The following PKD1L1 variants were observed in gnomAD, a reference collection of about 807,000 sequenced individuals.
The protein encoded by PKD1L1 is polycystin-1-like protein 1.
PKD1L1 carries 236 observed loss-of-function variants against 323.4 expected under a neutral mutation model. The observed-to-expected ratio is 0.73, with a 90% CI of 0.66 to 0.81. PKD1L1 has a LOEUF of 0.81. PKD1L1 is among the 40% of genes least tolerant of loss of function. PKD1L1 has a pLI of 0.00. For synonymous variants in PKD1L1, 1,344 were observed against 1,335.0 expected (o/e 1.01, Z -0.15); for missense variants, 3,320 against 3,508.0 (o/e 0.95, Z 1.35).
intron 15 of PKD1L1, among the ~76,000 whole-genome samples, chr7:47,893,055 AC>A (rs1310072153): frequency 1.3e-5 from 2 of 151,684 alleles, no homozygotes; most frequent in Non-Finnish European, 2.9e-5. Flanking sequence ...ACATGGTGAA[AC>A]CCATCTCTAC....
chr7:47,792,477 T>C, intron 56 of PKD1L1, 150 bp downstream of exon 56: 1 of 726,536 alleles, frequency 1.4e-6, no homozygotes, highest in Non-Finnish European at 2.1e-6. Context: ...TCTTTAGTTC[T>C]GGCCAGAGCA....
At chr7:47,940,788 C>T (rs760169747) in intron 2 of PKD1L1, among the ~76,000 whole-genome samples, 3 of 152,178 alleles carry the variant, frequency 2.0e-5, no homozygotes, top group Non-Finnish European at 4.4e-5. Flanking sequence ...GATGGTAGCA[C>T]GGACCTGGCT....
chr7:47,878,011 C>T (rs10951935), intron 21 of PKD1L1, among the ~76,000 whole-genome samples: 54,888 of 151,592 alleles, frequency 0.36, 11,308 homozygotes, highest in African/African-American at 0.56. Flanking sequence ...CAGACAGAAA[C>T]CGAAGCCTGA....
Position 47,904,551 on chromosome 7 carries a change from C to G in PKD1L1, c.1758G>C (p.Arg586Ser), listed in dbSNP as rs371087334. 1.4e-5 allele frequency: 23 copies of G among 1,613,984 alleles called. No homozygotes were observed. In the African/African-American group the frequency reaches 2.9e-4, roughly 21 times the overall value. The change falls in exon 12 of 57, where the codon AGG (arginine) becomes AGC (serine). Residue 586 changes from arginine (R) to serine (S), a missense_variant. Transcript: ENST00000289672. ...GATTGGCCACAATTTTCTTCTGCAC[C>G]CTGATGACATGGGGCTCAGAGACCA... The part of the protein sequence containing the change: ...SSVVSEPHVI[R>S]VQKKIVANRL...
At chr7:47,829,401 C>T in intron 44 of PKD1L1, 24 bp downstream of exon 44, 2 of 1,568,330 alleles carry the variant, frequency 1.3e-6, no homozygotes, top group Non-Finnish European at 1.7e-6. Context: ...TCTCAATTTG[C>T]ACTGCATAGG....
At chr7:47,950,723 G>GA (rs1056286589), upstream of PKD1L1, among the ~76,000 whole-genome samples, 3 of 148,964 alleles carry the variant, frequency 2.0e-5, no homozygotes, top group Non-Finnish European at 3.0e-5. Flanking sequence ...AAAAAAAAAA[G>GA]AATTAGCTTT....
chr7:47,856,048 A>G (rs1433947148), intron 28 of PKD1L1, among the ~76,000 whole-genome samples: 2 of 151,794 alleles, frequency 1.3e-5, no homozygotes, highest in South Asian at 2.1e-4. Flanking sequence ...ATATCTATAT[A>G]TTTTTTTGAC....
At chr7:47,820,197 C>T (rs1285613488) in intron 46 of PKD1L1, among the ~76,000 whole-genome samples, 1 of 152,178 alleles carries the variant, frequency 6.6e-6, no homozygotes, top group Non-Finnish European at 1.5e-5. Flanking sequence ...ACATTAAATG[C>T]ACCTGTTGAT....
rs141115479 is a variant in PKD1L1 at position 47,830,053 on chromosome 7, G to T, written c.6545C>A (p.Thr2182Asn). 2 of 1,614,194 alleles carry T rather than the reference G, an allele frequency of 1.2e-6. No individual in the cohort carries two copies. Among genetic ancestry groups the T allele is most frequent in the African/African-American group, 1.3e-5 (1 of 75,066 alleles). ...SLSVVCCIFITQPLMVCLMAL... is the reference protein window; with the variant it reads ...SLSVVCCIFINQPLMVCLMAL... ...GGTGTTTCTTACCATAAGTGGCTGG[G>T]TGATGAAAATACAGCAGACCACGGA... Residue 2182 changes from threonine to asparagine, a missense_variant, in exon 43 of 57, where the codon ACC (threonine) becomes AAC (asparagine). By Grantham distance (65) the Thr-to-Asn change is moderately conservative. Transcript: ENST00000289672.
rs145827975 is a variant in PKD1L1, at chr7:47,933,780, C to G, written c.399-1724G>C. ...GGCTGCATCCAACCAGATAAGGACA[C>G]GCGCACACTCTTCCACTATTGGTTC... On this transcript the variant is annotated intron_variant, in intron 4 of 56. Transcript: ENST00000289672. 3.4e-3 allele frequency among the ~76,000 whole-genome samples: 524 copies of G among 152,292 alleles called. 5 individuals carry two copies. Among genetic ancestry groups the G allele is most frequent in the African/African-American group, 0.012 (485 of 41,552 alleles).
At chr7:47,805,156 A>C (rs1233442998) in intron 52 of PKD1L1, among the ~76,000 whole-genome samples, 2 of 152,174 alleles carry the variant, frequency 1.3e-5, no homozygotes, top group Non-Finnish European at 2.9e-5. Flanking sequence ...GGTATGTATC[A>C]TAGTTCTACC....
intron 5 of PKD1L1, among the ~76,000 whole-genome samples, chr7:47,931,677 G>T (rs1039875545): frequency 2.6e-5 from 4 of 152,242 alleles, no homozygotes; most frequent in African/African-American, 9.6e-5. Context: ...ACTCTATAAG[G>T]TTGTCAGCTG....
At chr7:47,879,125 A>G (rs1454923175) in intron 21 of PKD1L1, among the ~76,000 whole-genome samples, 1 of 152,216 alleles carries the variant, frequency 6.6e-6, no homozygotes, top group East Asian at 1.9e-4. Flanking sequence ...TAAACGTGGA[A>G]GGGGCAGGCA....
intron 45 of PKD1L1, among the ~76,000 whole-genome samples, chr7:47,822,802 A>G (rs562574150): frequency 6.6e-6 from 1 of 152,290 alleles, no homozygotes; most frequent in African/African-American, 2.4e-5. Flanking sequence ...TTAGACTTAC[A>G]TCCATGTACT....
At chr7:47,782,508 G>A (rs999339899) in intron 56 of PKD1L1, among the ~76,000 whole-genome samples, 1 of 152,214 alleles carries the variant, frequency 6.6e-6, no homozygotes, top group African/African-American at 2.4e-5. Flanking sequence ...AAACTAGCAA[G>A]AGAAGCCAGG....
chr7:47,885,477 G>T (rs999373271), intron 18 of PKD1L1, among the ~76,000 whole-genome samples: 28 of 152,134 alleles, frequency 1.8e-4, no homozygotes, highest in African/African-American at 6.8e-4. Context: ...AACCTGCCAT[G>T]GGTTTGTCAT....
chr7:47,817,038 C>T (rs1041005186), intron 46 of PKD1L1, among the ~76,000 whole-genome samples: 1 of 152,118 alleles, frequency 6.6e-6, no homozygotes, highest in Non-Finnish European at 1.5e-5. Context: ...GAGTTTGAGA[C>T]CAGCCTAGCC....
intron 54 of PKD1L1, among the ~76,000 whole-genome samples, chr7:47,798,997 A>G (rs760152307): frequency 2.6e-5 from 4 of 152,238 alleles, no homozygotes; most frequent in Non-Finnish European, 4.4e-5. Context: ...TATCCAATTT[A>G]AAAACTGTAT....
At chr7:47,851,168 C>G (rs1280227633) in intron 31 of PKD1L1, among the ~76,000 whole-genome samples, 1 of 152,164 alleles carries the variant, frequency 6.6e-6, no homozygotes, top group Non-Finnish European at 1.5e-5. Flanking sequence ...TTCTTGTGTT[C>G]TAATGTCATT....
Sources: gnomAD v4.1 joint callset for allele counts (sites outside exome capture counted in the v4.1 genomes callset) on GRCh38, gnomAD v4.1.1 for gene constraint, MANE v1.5 for transcripts, NCBI Gene and HGNC (gene_info 2026-07-23, HGNC 2026-07-21) for gene names.